IQCM: variants seen among roughly 807,000 people sequenced by gnomAD.
IQCM encodes the protein IQ domain-containing protein M.
Under a neutral mutation model 57.6 loss-of-function variants are expected in IQCM, and 45 were observed. The observed-to-expected ratio is 0.78, with a 90% CI of 0.62 to 1.00. The LOEUF is 1.00. Among genes scored for constraint, IQCM ranks in the 50% least tolerant of loss-of-function variants. The pLI is 0.00. For synonymous variants in IQCM, 148 were observed against 158.9 expected, an observed-to-expected ratio of 0.93 and a Z score of 0.51; for missense variants, 468 against 511.6, an observed-to-expected ratio of 0.91 and a Z score of 0.82.
intron 12 of IQCM, among the ~76,000 whole-genome samples, chr4:149,478,409 T>C (rs1402504860): frequency 6.6e-6 from 1 of 152,158 alleles, no homozygotes; most frequent in Non-Finnish European, 1.5e-5. Flanking sequence ...CAAGGGTTGT[T>C]GGACTTCTAA....
At chr4:149,411,993 C>A (rs1182581089) in intron 13 of IQCM, among the ~76,000 whole-genome samples, 1 of 151,840 alleles carries the variant, frequency 6.6e-6, no homozygotes, top group Non-Finnish European at 1.5e-5. Context: ...AGATGGATAT[C>A]ATCATATATT....
At chr4:149,363,067 T>G (rs1425926044) in intron 13 of IQCM, among the ~76,000 whole-genome samples, 2 of 152,112 alleles carry the variant, frequency 1.3e-5, no homozygotes, top group Non-Finnish European at 2.9e-5. Flanking sequence ...AAGTCCCCAG[T>G]GAGAAAATGA....
At chr4:149,388,352 A>G (rs1462844064) in intron 13 of IQCM, among the ~76,000 whole-genome samples, 6 of 151,430 alleles carry the variant, frequency 4.0e-5, no homozygotes, top group South Asian at 2.1e-4. Context: ...ATATATGAAT[A>G]CATTCATTAA....
chr4:149,567,394 C>T lies in IQCM; in HGVS notation c.750-3504G>A, dbSNP rs562549769. ...CAGAGTCTCACTCTGTCACCCAGGC[C>T]GGAGTGCAGCAGTGCGATCTACTCT... is the stretch of plus-strand genomic sequence containing the variant. On this transcript the variant is annotated intron_variant, in intron 9 of 13. Transcript: ENST00000636793. 2.9e-3 allele frequency among the ~76,000 whole-genome samples: 446 copies of T among 151,852 alleles called. 1 individual carries two copies. The highest frequency in any genetic ancestry group is 4.6e-3 in the Non-Finnish European group (313 of 67,888).
chr4:149,755,441 C>A (rs1358855027), intron 2 of IQCM, among the ~76,000 whole-genome samples: 1 of 152,136 alleles, frequency 6.6e-6, no homozygotes, highest in African/African-American at 2.4e-5. Context: ...TCTGGTCAGA[C>A]CAGGATTGCC....
chr4:149,535,186 A>G (rs978172501), intron 12 of IQCM, among the ~76,000 whole-genome samples: 1 of 152,108 alleles, frequency 6.6e-6, no homozygotes, highest in Non-Finnish European at 1.5e-5. Flanking sequence ...ACTTTACTGT[A>G]GCAATTTATA....
intron 5 of IQCM, among the ~76,000 whole-genome samples, chr4:149,716,365 A>C (rs1050788094): frequency 1.7e-4 from 26 of 152,170 alleles, no homozygotes; most frequent in African/African-American, 4.8e-4. Context: ...CTTTGCTCCA[A>C]AATTGGAGTG....
chr4:149,750,284 C>T (rs929223025), intron 2 of IQCM, among the ~76,000 whole-genome samples: 3 of 152,198 alleles, frequency 2.0e-5, no homozygotes, highest in African/African-American at 4.8e-5. Flanking sequence ...CATTATTCCA[C>T]ATTTTTCTCA....
intron 13 of IQCM, among the ~76,000 whole-genome samples, chr4:149,391,324 A>G (rs1285090968): frequency 2.0e-5 from 3 of 151,906 alleles, no homozygotes; most frequent in Admixed American, 6.6e-5. Context: ...TTGCATCTAT[A>G]AGGTCAATAA....
At chr4:149,427,203 A>G (rs1199887385) in intron 13 of IQCM, among the ~76,000 whole-genome samples, 1 of 152,006 alleles carries the variant, frequency 6.6e-6, no homozygotes, top group Non-Finnish European at 1.5e-5. Context: ...TATATCTGCT[A>G]GAATGTGAAC....
chr4:149,481,712 T>TG, intron 12 of IQCM, among the ~76,000 whole-genome samples: 1 of 138,826 alleles, frequency 7.2e-6, no homozygotes, highest in Non-Finnish European at 1.6e-5. Flanking sequence ...TTTTTTTTTT[T>TG]TTTTTTTTTT....
At chr4:149,447,964 G>A (rs1393161797) in intron 12 of IQCM, among the ~76,000 whole-genome samples, 1 of 151,306 alleles carries the variant, frequency 6.6e-6, no homozygotes, top group African/African-American at 2.4e-5. Flanking sequence ...TAAAATAATC[G>A]AGAGAACAAG....
chr4:149,655,094 T>C (rs942490012), intron 7 of IQCM, among the ~76,000 whole-genome samples: 1 of 152,152 alleles, frequency 6.6e-6, no homozygotes, highest in Non-Finnish European at 1.5e-5. Flanking sequence ...TTAGGATATA[T>C]ACATGAATGA....
intron 12 of IQCM, among the ~76,000 whole-genome samples, chr4:149,538,030 G>A (rs1362994982): frequency 6.6e-6 from 1 of 150,816 alleles, no homozygotes; most frequent in Non-Finnish European, 1.5e-5. Context: ...ATATATATAT[G>A]AATATATATA....
intron 2 of IQCM, among the ~76,000 whole-genome samples, chr4:149,751,087 T>A (rs1768393725): frequency 1.3e-5 from 2 of 152,176 alleles, no homozygotes. Context: ...ACTTTAAAAT[T>A]GAAAACAATC....
At chr4:149,633,167 C>CAAAAAAAA (rs71596216) in intron 7 of IQCM, among the ~76,000 whole-genome samples, 1 of 22,940 alleles carries the variant, frequency 4.4e-5, no homozygotes, top group Non-Finnish European at 7.7e-5. Context: ...GACTCCGTCT[C>CAAAAAAAA]AAAAAAAAAA....
At chr4:149,659,954 T>G (rs1579891568) in intron 7 of IQCM, among the ~76,000 whole-genome samples, 1 of 151,544 alleles carries the variant, frequency 6.6e-6, no homozygotes, top group East Asian at 1.9e-4. Flanking sequence ...CCAAAAGCAA[T>G]GGCAACAAAA....
chr4:149,808,649 C>A (rs868386055), intron 2 of IQCM, among the ~76,000 whole-genome samples: 1 of 152,010 alleles, frequency 6.6e-6, no homozygotes, highest in African/African-American at 2.4e-5. Context: ...TATCAAAATA[C>A]CACATGTATC....
At chr4:149,783,000 C>A (rs978359696) in intron 2 of IQCM, among the ~76,000 whole-genome samples, 1 of 152,088 alleles carries the variant, frequency 6.6e-6, no homozygotes, top group African/African-American at 2.4e-5. Context: ...ATTCTCTATT[C>A]CTACTTCTTT....
Sources: gnomAD v4.1 joint callset for allele counts (sites outside exome capture counted in the v4.1 genomes callset) on GRCh38, gnomAD v4.1.1 for gene constraint, MANE v1.5 for transcripts, NCBI Gene and HGNC (gene_info 2026-07-23, HGNC 2026-07-21) for gene names.